Variants in IREB2 observed in about 807,000 individuals in gnomAD.
IREB2 encodes the protein iron-responsive element-binding protein 2.
In IREB2, 39 loss-of-function variants were observed where a neutral mutation model predicts 118.8. That is an observed-to-expected ratio of 0.33 (90% CI 0.25 to 0.43). The LOEUF is 0.43. Among genes scored for constraint, IREB2 ranks in the 20% least tolerant of loss-of-function variants. The pLI is 1.00. For synonymous variants in IREB2, 372 were observed against 392.2 expected, an observed-to-expected ratio of 0.95 and a Z score of 0.61; for missense variants, 900 against 1,147.3, an observed-to-expected ratio of 0.78 and a Z score of 3.11.
At chr15:78,473,587 T>A (rs1419495462) in intron 8 of IREB2, 3 of 530,460 alleles carry the variant, frequency 5.7e-6, no homozygotes, top group Non-Finnish European at 1.0e-5. Context: ...TTGTGTTCAC[T>A]TATGTTAGCT....
At chr15:78,495,903 CA>C (rs758515156) in intron 20 of IREB2, among the ~76,000 whole-genome samples, 42 of 152,232 alleles carry the variant, frequency 2.8e-4, no homozygotes, top group Middle Eastern at 6.8e-3. Flanking sequence ...CTTAGGTAGA[CA>C]GTGGAGAAAA....
chr15:78,493,905 G>A lies in IREB2; in HGVS notation c.2325-4G>A. The A allele has an allele frequency of 5.0e-6, 8 of 1,609,438 alleles. No homozygotes were observed. The highest frequency in any genetic ancestry group is 6.8e-6 in the Non-Finnish European group (8 of 1,178,068). On this transcript the variant is annotated splice_polypyrimidine_tract_variant and splice_region_variant and intron_variant, in intron 18 of 21. Transcript: ENST00000258886. Reference sequence around the variant, plus strand: ...GAAAACTGACTTTCATTACTTTCTTGTAGCCTTACCCCTCGTGAATTCAAC... The same window carrying A: ...GAAAACTGACTTTCATTACTTTCTTATAGCCTTACCCCTCGTGAATTCAAC...
intron 9 of IREB2, among the ~76,000 whole-genome samples, chr15:78,477,579 C>A (rs945547240): frequency 6.6e-6 from 1 of 152,132 alleles, no homozygotes; most frequent in Non-Finnish European, 1.5e-5. Context: ...GTATTTGTTT[C>A]TTGTTCATCA....
chr15:78,441,039 A>T (rs1039943564), intron 2 of IREB2, among the ~76,000 whole-genome samples: 1 of 152,236 alleles, frequency 6.6e-6, no homozygotes, highest in African/African-American at 2.4e-5. Flanking sequence ...TGTTGCAGTC[A>T]GTTTTGGAAG....
At chr15:78,453,302 T>G (rs2051054419) in intron 2 of IREB2, among the ~76,000 whole-genome samples, 1 of 152,134 alleles carries the variant, frequency 6.6e-6, no homozygotes, top group South Asian at 2.1e-4. Context: ...TTATTAGCTC[T>G]TTTGAATATT....
intron 2 of IREB2, among the ~76,000 whole-genome samples, chr15:78,462,556 GA>G (rs1245788328): frequency 6.6e-6 from 1 of 152,100 alleles, no homozygotes; most frequent in Non-Finnish European, 1.5e-5. Flanking sequence ...CATACCAGGG[GA>G]TGTCTGCATT....
chr15:78,463,884 ATTTC>A (rs1372936620), intron 3 of IREB2, among the ~76,000 whole-genome samples: 1 of 151,868 alleles, frequency 6.6e-6, no homozygotes, highest in Non-Finnish European at 1.5e-5. Context: ...CAACTCACCT[ATTTC>A]TTTCTAAGTC....
At chr15:78,440,664 G>A (rs1018041862) in intron 2 of IREB2, among the ~76,000 whole-genome samples, 2 of 152,166 alleles carry the variant, frequency 1.3e-5, no homozygotes, top group African/African-American at 4.8e-5. Flanking sequence ...ACTATGCCTG[G>A]CCTGTTTTAC....
chr15:78,465,375 G>T lies in IREB2; in HGVS notation c.397G>T (p.Asp133Tyr). ...DLTVDHSLQI[D>Y]FSKCAIQNAP... ...TACAGTTGACCATTCTTTACAAATT[G>T]ACTTCAGTAAATGGTACTTCAATGC... Residue 133 changes from aspartate to tyrosine, a missense_variant, in exon 4 of 22, where the codon GAC (aspartate) becomes TAC (tyrosine). Physicochemically the swap from Asp to Tyr is radical, Grantham distance 160. Transcript: ENST00000258886. 2 of 1,611,278 alleles carry T rather than the reference G, an allele frequency of 1.2e-6. No homozygotes were observed. Among genetic ancestry groups the T allele is most frequent in the South Asian group, 2.2e-5 (2 of 90,248 alleles).
At chr15:78,481,369 T>G (rs2051567859) in intron 10 of IREB2, among the ~76,000 whole-genome samples, 2 of 151,630 alleles carry the variant, frequency 1.3e-5, no homozygotes, top group African/African-American at 4.8e-5. Context: ...TGCCCGGCTT[T>G]TTTTTTTGAG....
intron 11 of IREB2, among the ~76,000 whole-genome samples, chr15:78,483,835 G>A (rs1225688738): frequency 7.2e-6 from 1 of 139,446 alleles, no homozygotes; most frequent in African/African-American, 2.7e-5. Flanking sequence ...CCAAGCTGGA[G>A]TGCAGTGGCA....
Position 78,473,394 on chromosome 15 carries a change from T to TG in IREB2, c.1023+14dup. 1 of 1,609,694 alleles carries TG rather than the reference T, an allele frequency of 6.2e-7. No homozygotes were observed. The highest frequency in any genetic ancestry group is 1.1e-5 in the South Asian group (1 of 90,770). Reference sequence around the variant, plus strand: ...TGGTATTACAAAGGTAAGTTAAAGTTGTGGTAGCTCTATGACTTACTGAAC... The same window carrying TG: ...TGGTATTACAAAGGTAAGTTAAAGTTGGTGGTAGCTCTATGACTTACTGAAC... On this transcript the variant is annotated intron_variant, in intron 8 of 21. Transcript: ENST00000258886.
At chr15:78,469,477 T>C (rs1455320259) in intron 5 of IREB2, among the ~76,000 whole-genome samples, 1 of 151,274 alleles carries the variant, frequency 6.6e-6, no homozygotes, top group Non-Finnish European at 1.5e-5. Context: ...CCCAGCACTT[T>C]GGGAGGCTGA....
intron 2 of IREB2, among the ~76,000 whole-genome samples, chr15:78,443,081 G>A (rs895350863): frequency 3.3e-5 from 5 of 152,068 alleles, no homozygotes; most frequent in Non-Finnish European, 5.9e-5. Context: ...CTACCAAACC[G>A]TGTATGTACT....
At chr15:78,450,765 T>A (rs1328110520) in intron 2 of IREB2, among the ~76,000 whole-genome samples, 1 of 151,986 alleles carries the variant, frequency 6.6e-6, no homozygotes, top group Non-Finnish European at 1.5e-5. Flanking sequence ...CTTCAGAGTG[T>A]ACAGCTATGT....
chr15:78,476,179 C>T lies in IREB2; in HGVS notation c.1024-9C>T, dbSNP rs375914176. 27 of 1,566,040 alleles carry T rather than the reference C, an allele frequency of 1.7e-5. No individual in the cohort carries two copies. The highest frequency in any genetic ancestry group is 2.1e-5 in the Non-Finnish European group (24 of 1,145,640). Reference sequence around the variant, plus strand: ...ATTTTGTATGTGTTTCTGTGTATTCCTTATATAGCACCTCAGGCAAGTAGG... The same window carrying T: ...ATTTTGTATGTGTTTCTGTGTATTCTTTATATAGCACCTCAGGCAAGTAGG... On this transcript the variant is annotated splice_polypyrimidine_tract_variant and intron_variant, in intron 8 of 21. Coordinates refer to ENST00000258886, the MANE Select transcript of IREB2 (RefSeq NM_004136.4).
At chr15:78,465,524 C>A in intron 4 of IREB2, 136 bp downstream of exon 4, 3 of 764,006 alleles carry the variant, frequency 3.9e-6, no homozygotes, top group Non-Finnish European at 5.9e-6. Flanking sequence ...TATATAAAAG[C>A]TAAAACTGGT....
chr15:78,440,216 G>C (rs2050824142), intron 2 of IREB2, among the ~76,000 whole-genome samples: 1 of 151,958 alleles, frequency 6.6e-6, no homozygotes, highest in South Asian at 2.1e-4. Flanking sequence ...TTGAACCCCT[G>C]GGCCCAAATA....
intron 1 of IREB2, among the ~76,000 whole-genome samples, chr15:78,439,587 A>G (rs970070366): frequency 6.6e-6 from 1 of 152,210 alleles, no homozygotes; most frequent in African/African-American, 2.4e-5. Flanking sequence ...AATTAAATAA[A>G]TTAAAAATTC....
Sources: allele counts gnomAD v4.1 joint callset (sites outside exome capture counted in the v4.1 genomes callset), GRCh38; gene constraint gnomAD v4.1.1; transcripts MANE v1.5; gene names NCBI Gene and HGNC (gene_info 2026-07-23, HGNC 2026-07-21).